TMEFF2: variants seen among roughly 807,000 people sequenced by gnomAD.
TMEFF2 encodes transmembrane protein with EGF like and two follistatin like domains 2.
Under a neutral mutation model 53.8 loss-of-function variants are expected in TMEFF2, and 28 were observed. The observed-to-expected ratio is 0.52, with a 90% CI of 0.39 to 0.71. The LOEUF (loss-of-function observed/expected upper bound fraction) is 0.71. TMEFF2 is among the 30% of genes least tolerant of loss of function. The pLI is 0.00. For synonymous variants in TMEFF2, 162 were observed against 166.3 expected (o/e 0.97, Z 0.20); for missense variants, 353 against 455.2 (o/e 0.78, Z 2.04).
chr2:192,029,621 A>G (rs1687064323), intron 5 of TMEFF2, among the ~76,000 whole-genome samples: 1 of 152,126 alleles, frequency 6.6e-6, no homozygotes, highest in Non-Finnish European at 1.5e-5. Flanking sequence ...TTCCCAAACC[A>G]CTTTCTCACA....
intron 4 of TMEFF2, among the ~76,000 whole-genome samples, chr2:192,161,659 C>A (rs1301915299): frequency 1.3e-5 from 2 of 152,166 alleles, no homozygotes; most frequent in African/African-American, 4.8e-5. Flanking sequence ...GTGTCCTTTT[C>A]TTCTGTTAAA....
At chr2:192,018,852 G>T (rs1686798467) in intron 5 of TMEFF2, among the ~76,000 whole-genome samples, 1 of 151,704 alleles carries the variant, frequency 6.6e-6, no homozygotes, top group African/African-American at 2.4e-5. Context: ...AAATAACTTT[G>T]CTACATTTAT....
chr2:191,987,475 T>G (rs1275435436), intron 7 of TMEFF2, among the ~76,000 whole-genome samples: 1 of 152,000 alleles, frequency 6.6e-6, no homozygotes, highest in Non-Finnish European at 1.5e-5. Context: ...GGCATGATCT[T>G]GGCTCACTGC....
At chr2:191,957,835 A>AT (rs536294270) in intron 7 of TMEFF2, among the ~76,000 whole-genome samples, 13 of 152,258 alleles carry the variant, frequency 8.5e-5, no homozygotes, top group Non-Finnish European at 1.3e-4. Context: ...ATGGTTGGTG[A>AT]TTTTTTTGTT....
chr2:192,135,419 C>T lies in TMEFF2; in HGVS notation c.439+44249G>A, dbSNP rs193224229. On this transcript the variant is annotated intron_variant, in intron 4 of 9. Coordinates refer to ENST00000272771, the MANE Select transcript of TMEFF2 (RefSeq NM_016192.4). The stretch of plus-strand genomic sequence containing the variant: ...ATTCCATTTAGTTTTTCAATTCATA[C>T]AAAACCGTATCCAGGCCATCACCAA... Among the ~76,000 whole-genome samples the T allele has an allele frequency of 1.9e-3, 291 of 152,192 alleles. 1 individual carries two copies. The highest frequency in any genetic ancestry group is 6.7e-3 in the African/African-American group (279 of 41,540).
chr2:192,179,575 T>C, intron 4 of TMEFF2, 93 bp downstream of exon 4: 1 of 1,363,696 alleles, frequency 7.3e-7, no homozygotes, highest in Non-Finnish European at 9.9e-7. Context: ...ATATGAAATT[T>C]GTCTTAAATA....
intron 7 of TMEFF2, among the ~76,000 whole-genome samples, chr2:191,976,103 T>C (rs1685719723): frequency 6.6e-6 from 1 of 152,222 alleles, no homozygotes; most frequent in African/African-American, 2.4e-5. Context: ...ATTTTTGCAA[T>C]ACTGAAAATA....
chr2:192,107,248 C>T (rs951888188), intron 4 of TMEFF2, among the ~76,000 whole-genome samples: 1 of 151,726 alleles, frequency 6.6e-6, no homozygotes, highest in Non-Finnish European at 1.5e-5. Context: ...TAAGGCACTA[C>T]TGATTCAATA....
At chr2:191,951,843 C>A (rs1691894451) in intron 9 of TMEFF2, among the ~76,000 whole-genome samples, 1 of 152,022 alleles carries the variant, frequency 6.6e-6, no homozygotes, top group Non-Finnish European at 1.5e-5. Flanking sequence ...GCCTTCCCCT[C>A]AAAAGCCAAT....
intron 2 of TMEFF2, among the ~76,000 whole-genome samples, chr2:192,184,819 C>A (rs745604247): frequency 1.2e-4 from 18 of 151,770 alleles, no homozygotes; most frequent in Admixed American, 4.6e-4. Flanking sequence ...GCCCATATGA[C>A]TTGATGGAAA....
At chr2:192,115,811 G>A (rs1689390736) in intron 4 of TMEFF2, among the ~76,000 whole-genome samples, 1 of 151,922 alleles carries the variant, frequency 6.6e-6, no homozygotes, top group Admixed American at 6.6e-5. Context: ...CTGCTGGGAT[G>A]GCTATTATAA....
intron 4 of TMEFF2, among the ~76,000 whole-genome samples, chr2:192,159,842 A>G (rs1690590991): frequency 6.6e-6 from 1 of 152,122 alleles, no homozygotes; most frequent in Non-Finnish European, 1.5e-5. Context: ...CAAAATGTTG[A>G]TCAAGAAATA....
chr2:192,097,512 C>T (rs1688941172), intron 4 of TMEFF2, among the ~76,000 whole-genome samples: 1 of 152,032 alleles, frequency 6.6e-6, no homozygotes, highest in Non-Finnish European at 1.5e-5. Flanking sequence ...CAACAGACAC[C>T]CTCAATGGAC....
chr2:192,068,525 A>G (rs1317309239), intron 4 of TMEFF2, among the ~76,000 whole-genome samples: 1 of 151,886 alleles, frequency 6.6e-6, no homozygotes, highest in East Asian at 1.9e-4. Context: ...TAAGAAATAA[A>G]TAAGAAGTCC....
intron 4 of TMEFF2, among the ~76,000 whole-genome samples, chr2:192,090,026 T>C (rs1688756092): frequency 6.6e-6 from 1 of 152,210 alleles, no homozygotes; most frequent in Non-Finnish European, 1.5e-5. Context: ...CATCATTCTA[T>C]CCATAATTGA....
At chr2:191,964,417 T>C (rs1692408777) in intron 7 of TMEFF2, among the ~76,000 whole-genome samples, 1 of 139,808 alleles carries the variant, frequency 7.2e-6, no homozygotes, top group Non-Finnish European at 1.5e-5. Flanking sequence ...TCTTTCTTTC[T>C]TTCTTTCTTT....
chr2:192,171,299 T>C (rs1010109286), intron 4 of TMEFF2, among the ~76,000 whole-genome samples: 4 of 152,048 alleles, frequency 2.6e-5, no homozygotes, highest in Non-Finnish European at 4.4e-5. Context: ...AGACAAGAGA[T>C]ACTGTGATCC....
intron 7 of TMEFF2, among the ~76,000 whole-genome samples, chr2:191,991,747 T>C (rs978706468): frequency 3.3e-5 from 5 of 152,036 alleles, no homozygotes; most frequent in African/African-American, 1.2e-4. Context: ...AAAGTGCACA[T>C]AAATGATGCA....
chr2:192,034,257 C>T (rs1263001083), intron 5 of TMEFF2, among the ~76,000 whole-genome samples: 3 of 150,578 alleles, frequency 2.0e-5, no homozygotes, highest in Non-Finnish European at 4.4e-5. Context: ...GTATGTTTTT[C>T]ATTTACAGTT....
Sources: allele counts gnomAD v4.1 joint callset (sites outside exome capture counted in the v4.1 genomes callset), GRCh38; gene constraint gnomAD v4.1.1; transcripts MANE v1.5; gene names NCBI Gene and HGNC (gene_info 2026-07-23, HGNC 2026-07-21).